Variants in TBC1D10A observed in about 807,000 individuals in gnomAD.
TBC1D10A encodes the protein EBP50-PDX interactor of 64 kDa.
TBC1D10A carries 24 observed loss-of-function variants against 52.9 expected under a neutral mutation model. That is an observed-to-expected ratio of 0.45 (90% CI 0.33 to 0.64). The LOEUF is 0.64. Among genes scored for constraint, TBC1D10A ranks in the 30% least tolerant of loss-of-function variants. TBC1D10A has a pLI of 0.02. For missense variants in TBC1D10A, 602 were observed against 687.9 expected (o/e 0.88, Z 1.40); for synonymous variants, 278 against 282.9 (o/e 0.98, Z 0.17).
At chr22:30,313,315 C>T (rs1218392944) in intron 1 of TBC1D10A, among the ~76,000 whole-genome samples, 1 of 148,534 alleles carries the variant, frequency 6.7e-6, no homozygotes, top group African/African-American at 2.5e-5. Flanking sequence ...GTGTCCCAAG[C>T]CTGATACCTA....
At chr22:30,318,528 C>A in intron 1 of TBC1D10A, 1 of 447,102 alleles carries the variant, frequency 2.2e-6, no homozygotes, top group South Asian at 1.6e-5. Flanking sequence ...TGTGACAACG[C>A]AGAGTCACAG....
Position 30,326,820 on chromosome 22 carries a change from C to T in TBC1D10A, c.62G>A (p.Gly21Glu). 1 of 1,476,582 alleles carries T rather than the reference C, an allele frequency of 6.8e-7. No individual in the cohort carries two copies. Among genetic ancestry groups the T allele is most frequent in the Non-Finnish European group, 9.0e-7 (1 of 1,117,212 alleles). The allele number at this position is 1,476,582 out of a possible 1,614,324, so 91.5% of individuals were successfully genotyped here. ...RAPAAGESLS[G>E]TRESLAQGPD... ...GCCCTGGGCCAGGCTCTCCCGGGTT[C>T]CCGACAGGCTTTCCCCGGCCGCGGG... Residue 21 changes from glycine (G) to glutamate (E), a missense_variant, in exon 1 of 9, where the codon GGA becomes GAA. By Grantham distance (98) the Gly-to-Glu change is moderately conservative. This residue lies in a region of TBC1D10A where 201 missense variants were observed against 204.4 expected (regional missense o/e 0.98). Coordinates refer to ENST00000215790, the MANE Select transcript of TBC1D10A (RefSeq NM_031937.3).
chr22:30,323,819 T>G (rs750854557), intron 1 of TBC1D10A, among the ~76,000 whole-genome samples: 30 of 152,064 alleles, frequency 2.0e-4, no homozygotes, highest in Non-Finnish European at 3.7e-4. Flanking sequence ...TATGAAAAAT[T>G]AGCCAGGTGT....
At chr22:30,312,054 A>C (rs1254257868) in intron 1 of TBC1D10A, among the ~76,000 whole-genome samples, 1 of 152,084 alleles carries the variant, frequency 6.6e-6, no homozygotes, top group African/African-American at 2.4e-5. Flanking sequence ...CAGCCTCCCA[A>C]AGTGTTAGGA....
Position 30,292,497 on chromosome 22 carries a change from CA to C in TBC1D10A, c.1404del (p.His468GlnfsTer31). ...TTGGGGGCTGAGTCCTTCGGGGGCACATGCTGTGGGGGACATGCATCTCCTG... is the reference window on the plus strand; with the variant it reads ...TTGGGGGCTGAGTCCTTCGGGGGCACTGCTGTGGGGGACATGCATCTCCTG... ...AAAGDACPPQHVPPKDSAPKD... is the reference protein window; with the variant it reads ...AAAGDACPPQXVPPKDSAPKD... On this transcript the variant is annotated frameshift_variant, in exon 9 of 9. Coordinates refer to ENST00000215790, the MANE Select transcript of TBC1D10A (RefSeq NM_031937.3). LOFTEE classifies it high-confidence loss of function. The C allele has an allele frequency of 6.2e-7, 1 of 1,608,906 alleles. No individual in the cohort carries two copies. The highest frequency in any genetic ancestry group is 8.5e-7 in the Non-Finnish European group (1 of 1,177,556).
At chr22:30,312,501 C>T (rs1930445808) in intron 1 of TBC1D10A, among the ~76,000 whole-genome samples, 2 of 152,298 alleles carry the variant, frequency 1.3e-5, no homozygotes, top group South Asian at 4.1e-4. Flanking sequence ...CTAGACTGGG[C>T]CACTGGGTCA....
chr22:30,313,469 C>T (rs1930469971), intron 1 of TBC1D10A, among the ~76,000 whole-genome samples: 1 of 151,234 alleles, frequency 6.6e-6, no homozygotes, highest in Admixed American at 6.6e-5. Flanking sequence ...CTGCAACCTC[C>T]GCCTCCCGGG....
intron 4 of TBC1D10A, among the ~76,000 whole-genome samples, 169 bp downstream of exon 4, chr22:30,295,568 A>AGAGGAG (rs1451247741): frequency 6.6e-6 from 1 of 152,210 alleles, no homozygotes; most frequent in Non-Finnish European, 1.5e-5. Flanking sequence ...CCCAGAGGTA[A>AGAGGAG]GAGGAGATGC....
At chr22:30,294,749 C>A (rs750858770) in intron 6 of TBC1D10A, 47 bp downstream of exon 6, 9 of 1,613,016 alleles carry the variant, frequency 5.6e-6, no homozygotes, top group African/African-American at 1.3e-5. Flanking sequence ...GGAGGGGCCA[C>A]AGAGGGTGTC....
In TBC1D10A at chr22:30,299,467, G is replaced by A; in HGVS notation, c.394C>T (p.Gln132Ter). The A allele has an allele frequency of 6.2e-7, 1 of 1,614,172 alleles. No homozygotes were observed. ...ACGTCAAACTTTCCAGGGTTCTGCTGTAACTTCACCTTGCCTCCTGACAGG... is the reference window on the plus strand; with the variant it reads ...ACGTCAAACTTTCCAGGGTTCTGCTATAACTTCACCTTGCCTCCTGACAGG... ...QYLSGGKVKL[Q>*]QNPGKFDELD... is the part of the protein sequence containing the mutation. The change falls in exon 3 of 9, where the codon CAG (glutamine) becomes TAG (stop). Residue 132 changes from glutamine (Q) to a stop codon, truncating the protein, a stop_gained. Coordinates refer to ENST00000215790, the MANE Select transcript of TBC1D10A (RefSeq NM_031937.3). LOFTEE classifies it high-confidence loss of function.
intron 1 of TBC1D10A, chr22:30,318,894 C>A (rs1237751588): frequency 2.8e-6 from 1 of 357,150 alleles, no homozygotes; most frequent in Non-Finnish European, 5.6e-6. Context: ...CAAGGCTGGA[C>A]TCAGACCGCC....
In TBC1D10A at chr22:30,292,201, G is replaced by C; in HGVS notation, c.*174C>G. 1 of 570,246 alleles carries C rather than the reference G, an allele frequency of 1.8e-6. No homozygotes were observed. The highest frequency in any genetic ancestry group is 3.0e-6 in the Non-Finnish European group (1 of 337,996). 35.3% of individuals were successfully genotyped at this position (570,246 alleles called of 1,614,324 possible). A position where few individuals can be genotyped will look rare whatever the true frequency, so the allele number is the denominator to read the frequency against. On this transcript the variant is annotated 3_prime_UTR_variant, in exon 9 of 9. Coordinates refer to ENST00000215790, the MANE Select transcript of TBC1D10A (RefSeq NM_031937.3). ...CACTGTAAAGAAAATAAATAAGGAG[G>C]CTCAGGCAGAATCTGTGTTGGACCA...
At chr22:30,309,500 A>T (rs971698322) in intron 1 of TBC1D10A, among the ~76,000 whole-genome samples, 1 of 152,226 alleles carries the variant, frequency 6.6e-6, no homozygotes, top group Non-Finnish European at 1.5e-5. Context: ...CTGGGATGAC[A>T]GGCATGAGCC....
chr22:30,303,326 CAGACAGACAGACAGAT>C (rs1448696284), intron 2 of TBC1D10A, among the ~76,000 whole-genome samples: 1 of 152,144 alleles, frequency 6.6e-6, no homozygotes, highest in African/African-American at 2.4e-5. Context: ...GACAGACAGA[CAGACAGACAGACAGAT>C]AGATAGACAG....
intron 6 of TBC1D10A, 66 bp from the exon 7 acceptor site, chr22:30,294,176 C>A: frequency 6.9e-7 from 1 of 1,457,100 alleles, no homozygotes; most frequent in South Asian, 1.2e-5. Flanking sequence ...GAGACTACAC[C>A]CCAGCACCCA....
rs935364584 is a variant in TBC1D10A, at chr22:30,297,296, T to A, written c.418-1453A>T. On this transcript the variant is annotated intron_variant, in intron 3 of 8. Transcript: ENST00000215790. This position sits in a 1 kb window ranked among gnomAD's most constrained non-coding sequence, Gnocchi z 4.3. ...GCCCCACACACCCTTGTGATGGGGG[T>A]CTGTGTACTGTGCACCTCTAAGTAC... 3.9e-5 allele frequency: 6 copies of A among 152,014 alleles called. No homozygotes were observed. Among genetic ancestry groups the A allele is most frequent in the African/African-American group, 1.5e-4 (6 of 41,342 alleles). The allele number at this position is 152,014 out of a possible 1,614,324, so 9.4% of individuals were successfully genotyped here. A position where few individuals can be genotyped will look rare whatever the true frequency, so the allele number is the denominator to read the frequency against.
intron 3 of TBC1D10A, chr22:30,299,234 G>A: frequency 1.8e-6 from 1 of 541,268 alleles, no homozygotes; most frequent in Non-Finnish European, 3.3e-6. Context: ...CTCAGGGCTG[G>A]AGCCTCAGTT....
In TBC1D10A at chr22:30,295,007, G is replaced by T; in HGVS notation, c.573C>A (p.Pro191=). 6.2e-7 allele frequency: 1 copy of T among 1,614,034 alleles called. No homozygotes were observed. The highest frequency in any genetic ancestry group is 8.5e-7 in the Non-Finnish European group (1 of 1,180,020). ...CCTGGGCCTGGCAGTAGCCCTCCTC[G>T]GGCCGGTACAGCGTGTAGGCCTTCA... The part of the protein sequence containing the change: ...RVLKAYTLYR[P]EEGYCQAQAP... The change falls in exon 5 of 9, where the codon CCC becomes CCA. Residue 191 remains proline (P), a synonymous_variant. Coordinates refer to ENST00000215790, the MANE Select transcript of TBC1D10A (RefSeq NM_031937.3).
At position 30,326,850 on chromosome 22, in the gene TBC1D10A, C is replaced by A; in HGVS notation, c.32G>T (p.Arg11Leu). Residue 11 changes from arginine to leucine, a missense_variant, in exon 1 of 9, where the codon CGC (arginine) becomes CTC (leucine). Transcript: ENST00000215790. Reference sequence around the variant, plus strand: ...CAGGCTTTCCCCGGCCGCGGGCGCGCGCGGCCCATTCTCTCCGTTGCTCTT... The same window carrying A: ...CAGGCTTTCCCCGGCCGCGGGCGCGAGCGGCCCATTCTCTCCGTTGCTCTT... MAKSNGENGP[R>L]APAAGESLSG... 6.8e-7 allele frequency: 1 copy of A among 1,481,430 alleles called. No individual in the cohort carries two copies. Among genetic ancestry groups the A allele is most frequent in the African/African-American group, 1.5e-5 (1 of 68,182 alleles). The allele number at this position is 1,481,430 out of a possible 1,614,324, so 91.8% of individuals were successfully genotyped here. A position where few individuals can be genotyped will look rare whatever the true frequency, so the allele number is the denominator to read the frequency against.
Sources: allele counts gnomAD v4.1 joint callset (sites outside exome capture counted in the v4.1 genomes callset), GRCh38; gene constraint gnomAD v4.1.1; regional missense constraint gnomAD v4.1.1; non-coding constraint Gnocchi (gnomAD v3.1); transcripts MANE v1.5; gene names NCBI Gene and HGNC (gene_info 2026-07-23, HGNC 2026-07-21).